The following MGMT variants were observed in gnomAD, a reference collection of about 807,000 sequenced individuals.
MGMT encodes the protein methylated-DNA--protein-cysteine methyltransferase.
A neutral mutation model predicts 15.9 loss-of-function variants in MGMT; 14 were observed. The observed-to-expected ratio is 0.88, with a 90% CI of 0.58 to 1.37. The LOEUF (loss-of-function observed/expected upper bound fraction) is 1.37. Among genes scored for constraint, MGMT ranks in the 40% most tolerant of loss-of-function variants. The probability of loss-of-function intolerance (pLI) is 0.00; values close to 1 mark genes in which losing one functional copy is unlikely to be tolerated. For missense variants in MGMT, 282 were observed against 268.1 expected (o/e 1.05, Z -0.36); for synonymous variants, 130 against 118.2 (o/e 1.10, Z -0.65).
chr10:129,742,404 C>T (rs1273748252), intron 3 of MGMT, among the ~76,000 whole-genome samples: 1 of 152,238 alleles, frequency 6.6e-6, no homozygotes, highest in East Asian at 1.9e-4. Context: ...CCGGGGCGTT[C>T]AGCAGTGCCC....
chr10:129,733,248 T>C (rs963081445), intron 3 of MGMT, among the ~76,000 whole-genome samples: 2 of 145,844 alleles, frequency 1.4e-5, no homozygotes, highest in African/African-American at 5.1e-5. Context: ...ATGATTGCCA[T>C]TCTAACTGGT....
chr10:129,526,085 G>A (rs1310515013), intron 1 of MGMT, among the ~76,000 whole-genome samples: 1 of 152,172 alleles, frequency 6.6e-6, no homozygotes, highest in Non-Finnish European at 1.5e-5. Context: ...CCGAATCCAC[G>A]GGGAGACCCC....
At chr10:129,680,591 GGGAAGATTCA>G (rs1367182704) in intron 2 of MGMT, among the ~76,000 whole-genome samples, 2 of 128,930 alleles carry the variant, frequency 1.6e-5, no homozygotes, top group African/African-American at 5.1e-5. Flanking sequence ...AGGCGTGGAA[GGGAAGATTCA>G]GGAAGGTTCA....
At chr10:129,641,920 A>G (rs890893768) in intron 2 of MGMT, among the ~76,000 whole-genome samples, 1 of 152,254 alleles carries the variant, frequency 6.6e-6, no homozygotes, top group Non-Finnish European at 1.5e-5. Flanking sequence ...GGCATAGCTA[A>G]TATTAGAAGC....
At chr10:129,530,249 G>T (rs180894244) in intron 1 of MGMT, among the ~76,000 whole-genome samples, 1 of 152,034 alleles carries the variant, frequency 6.6e-6, no homozygotes, top group Non-Finnish European at 1.5e-5. Context: ...AAGTTGACTC[G>T]TACTAACTGT....
chr10:129,697,154 C>T (rs1848041884), intron 2 of MGMT, among the ~76,000 whole-genome samples: 1 of 152,104 alleles, frequency 6.6e-6, no homozygotes, highest in African/African-American at 2.4e-5. Context: ...TTACTCATTC[C>T]CATTGTCTTT....
intron 2 of MGMT, among the ~76,000 whole-genome samples, chr10:129,549,158 T>C (rs1846128340): frequency 6.6e-6 from 1 of 152,178 alleles, no homozygotes; most frequent in African/African-American, 2.4e-5. Context: ...AAGGATGAGG[T>C]TCCTCCCTCA....
At chr10:129,473,142 A>G (rs748932256) in intron 1 of MGMT, among the ~76,000 whole-genome samples, 1 of 152,208 alleles carries the variant, frequency 6.6e-6, no homozygotes, top group African/African-American at 2.4e-5. Flanking sequence ...ATCTGACACG[A>G]TGGCAGTGGC....
At chr10:129,584,364 A>T (rs1846593335) in intron 2 of MGMT, among the ~76,000 whole-genome samples, 1 of 152,142 alleles carries the variant, frequency 6.6e-6, no homozygotes, top group South Asian at 2.1e-4. Flanking sequence ...AATTGCCAGC[A>T]CACACGAATC....
intron 1 of MGMT, among the ~76,000 whole-genome samples, chr10:129,515,747 C>T (rs1845731513): frequency 6.6e-6 from 1 of 152,136 alleles, no homozygotes; most frequent in Admixed American, 6.5e-5. Context: ...GGCCTGCATA[C>T]AGGTGGGCCT....
intron 1 of MGMT, among the ~76,000 whole-genome samples, chr10:129,531,136 G>T (rs549537580): frequency 6.6e-6 from 1 of 152,086 alleles, no homozygotes. Flanking sequence ...GGCCTCCCCC[G>T]TTGAATGGCC....
chr10:129,476,725 A>AG (rs1194669841), intron 1 of MGMT, among the ~76,000 whole-genome samples: 3 of 152,074 alleles, frequency 2.0e-5, no homozygotes, highest in Non-Finnish European at 4.4e-5. Flanking sequence ...CTTGGCTGGA[A>AG]GGGGTGCTGC....
chr10:129,707,414 CAG>C (rs887612638), intron 2 of MGMT, among the ~76,000 whole-genome samples: 11 of 151,886 alleles, frequency 7.2e-5, no homozygotes, highest in African/African-American at 1.7e-4. Context: ...GCGTGGGAAT[CAG>C]GGGACTGCAG....
intron 2 of MGMT, among the ~76,000 whole-genome samples, chr10:129,603,021 C>G (rs943224939): frequency 6.6e-6 from 1 of 152,184 alleles, no homozygotes. Flanking sequence ...ATGTCACAGT[C>G]TCTCCCAAAA....
chr10:129,519,384 G>T (rs1017995475), intron 1 of MGMT, among the ~76,000 whole-genome samples: 6 of 152,208 alleles, frequency 3.9e-5, no homozygotes, highest in Non-Finnish European at 8.8e-5. Flanking sequence ...TCAAGCCACT[G>T]ATAGGTTTTG....
At chr10:129,554,245 C>T (rs987122134) in intron 2 of MGMT, among the ~76,000 whole-genome samples, 1 of 152,230 alleles carries the variant, frequency 6.6e-6, no homozygotes, top group African/African-American at 2.4e-5. Context: ...GGACTTGATG[C>T]TCCTTTTAGC....
intron 3 of MGMT, among the ~76,000 whole-genome samples, chr10:129,746,125 G>A (rs1004378751): frequency 1.3e-5 from 2 of 151,718 alleles, no homozygotes; most frequent in African/African-American, 4.8e-5. Flanking sequence ...TGTAGTCCCA[G>A]CTACTCAGGA....
intron 1 of MGMT, among the ~76,000 whole-genome samples, chr10:129,514,134 C>T (rs1020722136): frequency 6.6e-6 from 1 of 152,124 alleles, no homozygotes; most frequent in East Asian, 1.9e-4. Flanking sequence ...AATGTACCTG[C>T]TGAATTTTGT....
At chr10:129,519,588 A>G (rs1187831105) in intron 1 of MGMT, among the ~76,000 whole-genome samples, 2 of 152,210 alleles carry the variant, frequency 1.3e-5, no homozygotes, top group African/African-American at 4.8e-5. Flanking sequence ...CCACCGGAGC[A>G]TGTTGGGAAC....
Sources: allele counts gnomAD v4.1 joint callset (sites outside exome capture counted in the v4.1 genomes callset), GRCh38; gene constraint gnomAD v4.1.1; transcripts MANE v1.5; gene names NCBI Gene and HGNC (gene_info 2026-07-23, HGNC 2026-07-21).